The following TMEM131L variants were observed in gnomAD, a reference collection of about 807,000 sequenced individuals.
The protein encoded by TMEM131L is transmembrane protein 131-like.
A neutral mutation model predicts 192.2 loss-of-function variants in TMEM131L; 54 were observed. That is an observed-to-expected ratio of 0.28 (90% confidence interval 0.23 to 0.35). The LOEUF (loss-of-function observed/expected upper bound fraction) is 0.35, where lower values mean the gene tolerates loss of function less well. Ranked by LOEUF, TMEM131L falls within the 10% of genes least tolerant of loss-of-function variation. The pLI, the probability that TMEM131L is intolerant of heterozygous loss-of-function variation, is 1.00. For synonymous variants in TMEM131L, 701 were observed against 704.9 expected (o/e 0.99, Z 0.09); for missense variants, 1,888 against 1,972.9 (o/e 0.96, Z 0.82).
intron 16 of TMEM131L, among the ~76,000 whole-genome samples, chr4:153,589,512 G>A (rs1039500830): frequency 2.5e-4 from 38 of 152,030 alleles, no homozygotes; most frequent in Admixed American, 5.2e-4. Flanking sequence ...GGAGTGGGGC[G>A]GCTTGAACTT....
chr4:153,634,903 C>T (rs1734465519), intron 33 of TMEM131L, among the ~76,000 whole-genome samples: 2 of 152,184 alleles, frequency 1.3e-5, no homozygotes, highest in South Asian at 4.1e-4. Flanking sequence ...ATGTATCATT[C>T]TTATCTAGAT....
At chr4:153,601,347 C>T (rs1188517659) in intron 21 of TMEM131L, among the ~76,000 whole-genome samples, 1 of 152,024 alleles carries the variant, frequency 6.6e-6, no homozygotes, top group African/African-American at 2.4e-5. Flanking sequence ...GCCTGGGCAA[C>T]ATAGTGAGCC....
intron 21 of TMEM131L, among the ~76,000 whole-genome samples, chr4:153,601,516 G>C (rs1290520871): frequency 6.6e-6 from 1 of 152,192 alleles, no homozygotes; most frequent in Admixed American, 6.5e-5. Context: ...AACAGAGTGA[G>C]ACCCTGTGTC....
intron 25 of TMEM131L, among the ~76,000 whole-genome samples, chr4:153,605,743 C>T (rs1372263702): frequency 1.3e-5 from 2 of 152,200 alleles, no homozygotes; most frequent in African/African-American, 4.8e-5. Flanking sequence ...TCATCTTTTT[C>T]ACTTCTTGAT....
At chr4:153,516,427 G>A (rs1194383915) in intron 3 of TMEM131L, among the ~76,000 whole-genome samples, 3 of 152,054 alleles carry the variant, frequency 2.0e-5, no homozygotes, top group Non-Finnish European at 4.4e-5. Context: ...ACAGGGTTTC[G>A]CCATATTACC....
chr4:153,604,655 TG>T (rs1208011421), intron 25 of TMEM131L, among the ~76,000 whole-genome samples: 2 of 152,224 alleles, frequency 1.3e-5, no homozygotes, highest in African/African-American at 4.8e-5. Flanking sequence ...TAGAAGACTA[TG>T]AATATCATAT....
At chr4:153,501,202 GTTT>G (rs34750703) in intron 3 of TMEM131L, among the ~76,000 whole-genome samples, 2 of 127,528 alleles carry the variant, frequency 1.6e-5, no homozygotes. Flanking sequence ...GGTTTTGCAA[GTTT>G]TTTTTTTTTT....
At chr4:153,615,139 C>T (rs1732887110) in intron 26 of TMEM131L, among the ~76,000 whole-genome samples, 1 of 152,200 alleles carries the variant, frequency 6.6e-6, no homozygotes, top group African/African-American at 2.4e-5. Context: ...TTTAACATTG[C>T]ATTTTTCTCC....
intron 30 of TMEM131L, among the ~76,000 whole-genome samples, chr4:153,626,624 C>T (rs539190487): frequency 1.3e-5 from 2 of 152,254 alleles, no homozygotes; most frequent in South Asian, 2.1e-4. Context: ...TTAAATTAGG[C>T]GTAGCGGCGC....
chr4:153,620,155 A>C (rs1578881175), intron 26 of TMEM131L, among the ~76,000 whole-genome samples: 1 of 152,226 alleles, frequency 6.6e-6, no homozygotes, highest in East Asian at 1.9e-4. Context: ...TGAAAAGAGG[A>C]AAAGGCTCCA....
chr4:153,528,489 A>G (rs1274364645), intron 3 of TMEM131L, among the ~76,000 whole-genome samples: 2 of 152,252 alleles, frequency 1.3e-5, no homozygotes, highest in African/African-American at 2.4e-5. Context: ...TAAAAACAAC[A>G]AAACAAATCA....
chr4:153,503,612 G>A (rs192506084), intron 3 of TMEM131L, among the ~76,000 whole-genome samples: 8 of 152,218 alleles, frequency 5.3e-5, no homozygotes, highest in East Asian at 1.9e-4. Flanking sequence ...TTTCATGGCC[G>A]GACTCAGGAC....
At chr4:153,507,486 T>TA (rs1454706285) in intron 3 of TMEM131L, among the ~76,000 whole-genome samples, 1 of 152,200 alleles carries the variant, frequency 6.6e-6, no homozygotes, top group Non-Finnish European at 1.5e-5. Flanking sequence ...GGACTTCTGT[T>TA]ACCTTATGGC....
intron 2 of TMEM131L, among the ~76,000 whole-genome samples, chr4:153,471,694 C>G (rs556980211): frequency 2.0e-4 from 30 of 152,288 alleles, no homozygotes; most frequent in African/African-American, 6.5e-4. Flanking sequence ...GGGACAGGTG[C>G]TGAGTAGGAG....
chr4:153,599,811 A>G (rs1235136492), intron 21 of TMEM131L, among the ~76,000 whole-genome samples: 1 of 152,148 alleles, frequency 6.6e-6, no homozygotes, highest in Admixed American at 6.5e-5. Context: ...TAATCCCAGC[A>G]CTATGGGAGG....
intron 25 of TMEM131L, 30 bp downstream of exon 25, chr4:153,604,460 C>CT: frequency 1.9e-6 from 3 of 1,565,586 alleles, no homozygotes; most frequent in Non-Finnish European, 2.6e-6. Context: ...TGATAATTCT[C>CT]TCCTGTTTGT....
At chr4:153,526,182 C>T (rs888882754) in intron 3 of TMEM131L, among the ~76,000 whole-genome samples, 1 of 152,096 alleles carries the variant, frequency 6.6e-6, no homozygotes, top group African/African-American at 2.4e-5. Flanking sequence ...CTAACAGACT[C>T]CCAGGCGATG....
intron 3 of TMEM131L, among the ~76,000 whole-genome samples, chr4:153,536,192 G>C (rs140864406): frequency 3.9e-4 from 60 of 152,272 alleles, no homozygotes; most frequent in Middle Eastern, 3.4e-3. Flanking sequence ...CTGGCCACTG[G>C]GGGGGTTAAC....
intron 30 of TMEM131L, 24 bp from the exon 31 acceptor site, chr4:153,627,580 TC>T: frequency 1.3e-6 from 2 of 1,589,198 alleles, no homozygotes; most frequent in Non-Finnish European, 1.7e-6. Context: ...AATGAGTCGT[TC>T]CTCCTTTGCC....
Sources: allele counts gnomAD v4.1 joint callset (sites outside exome capture counted in the v4.1 genomes callset), GRCh38; gene constraint gnomAD v4.1.1; transcripts MANE v1.5; gene names NCBI Gene and HGNC (gene_info 2026-07-23, HGNC 2026-07-21).